The following DMXL2 variants were observed in gnomAD, a reference collection of about 807,000 sequenced individuals.
DMXL2 encodes Dmx like 2, also known as dmX-like protein 2.
Under a neutral mutation model 331.1 loss-of-function variants are expected in DMXL2, and 103 were observed. The ratio of observed to expected loss-of-function variants is 0.31; its 90% CI spans 0.27 to 0.37. The LOEUF (loss-of-function observed/expected upper bound fraction) is 0.37, where lower values mean the gene tolerates loss of function less well. Among genes scored for constraint, DMXL2 ranks in the 10% least tolerant of loss-of-function variants. DMXL2 has a pLI of 1.00. For missense variants in DMXL2, 3,171 were observed against 3,642.9 expected (o/e 0.87, Z 3.33); for synonymous variants, 1,281 against 1,252.1 (o/e 1.02, Z -0.49).
At chr15:51,472,535 C>T (rs573728917) in intron 28 of DMXL2, among the ~76,000 whole-genome samples, 2 of 152,252 alleles carry the variant, frequency 1.3e-5, no homozygotes, top group East Asian at 3.9e-4. Context: ...TTATTTCTCC[C>T]TCCCCCTAGC....
At chr15:51,587,949 T>G (rs2051985219) in intron 1 of DMXL2, among the ~76,000 whole-genome samples, 1 of 152,240 alleles carries the variant, frequency 6.6e-6, no homozygotes, top group African/African-American at 2.4e-5. Context: ...AGATGTTTTT[T>G]GGCTGCATAA....
chr15:51,452,400 G>GAACTT (rs2039228180), intron 41 of DMXL2, among the ~76,000 whole-genome samples: 1 of 151,864 alleles, frequency 6.6e-6, no homozygotes, highest in Non-Finnish European at 1.5e-5. Flanking sequence ...AATCTACAAG[G>GAACTT]AACTTAACAA....
chr15:51,470,133 G>A (rs772650502), intron 29 of DMXL2, among the ~76,000 whole-genome samples: 1 of 152,104 alleles, frequency 6.6e-6, no homozygotes, highest in Admixed American at 6.6e-5. Flanking sequence ...AACCACTGAC[G>A]TAACCAAAGT....
chr15:51,483,169 C>T (rs183913785), intron 23 of DMXL2, among the ~76,000 whole-genome samples: 4 of 152,148 alleles, frequency 2.6e-5, no homozygotes, highest in African/African-American at 9.7e-5. Flanking sequence ...TTTGGAGAGA[C>T]GTCAGAAGTT....
chr15:51,552,488 T>G (rs1409670034), intron 6 of DMXL2, among the ~76,000 whole-genome samples: 2 of 152,232 alleles, frequency 1.3e-5, no homozygotes, highest in Admixed American at 1.3e-4. Flanking sequence ...TTGCTTTAAT[T>G]TACGCACAGT....
At chr15:51,568,824 C>T (rs2050465542) in intron 2 of DMXL2, among the ~76,000 whole-genome samples, 1 of 152,060 alleles carries the variant, frequency 6.6e-6, no homozygotes, top group Admixed American at 6.5e-5. Flanking sequence ...GCCAAGATGG[C>T]TGAATAGGAA....
At chr15:51,528,066 A>AT (rs2047782918) in intron 13 of DMXL2, among the ~76,000 whole-genome samples, 1 of 151,558 alleles carries the variant, frequency 6.6e-6, no homozygotes. Flanking sequence ...TGGTAACCTC[A>AT]AATTAGAAAA....
At position 51,499,581 on chromosome 15, in the gene DMXL2, T is replaced by C. The variant is rs773738640; in HGVS notation, c.3643A>G (p.Thr1215Ala). Residue 1215 changes from threonine (T) to alanine (A), a missense_variant, in exon 18 of 44, where the codon ACT becomes GCT. Physicochemically the swap from Thr to Ala is moderately conservative, Grantham distance 58. This residue lies in a region of DMXL2 where 1,674 missense variants were observed against 1,780.2 expected (regional missense o/e 0.94). Coordinates refer to ENST00000560891, the MANE Select transcript of DMXL2 (RefSeq NM_001378457.1). ...TTGATACTACCACCTAGTGGTAAAG[T>C]GATGACAGCTACTCCATCCTTACTG... ...TNSKDGVAVI[T>A]LPLGGSIKQG... The C allele has an allele frequency of 1.2e-6, 2 of 1,614,176 alleles. No homozygotes were observed. The highest frequency in any genetic ancestry group is 2.7e-5 in the African/African-American group (2 of 75,072).
In DMXL2 at chr15:51,465,579, T is replaced by C; in HGVS notation, c.7593A>G (p.Gly2531=). Residue 2531 remains glycine (G), a synonymous_variant, in exon 31 of 44, where the codon GGA becomes GGG. Coordinates refer to ENST00000560891, the MANE Select transcript of DMXL2 (RefSeq NM_001378457.1). ...TTCCAAACTCACCAGAGAATTCCAG[T>C]CCAGCAATAGGAAAGAAATTCTTGA... The part of the protein sequence containing the change: ...HNVKNFFPIA[G]LEFSELPVTS... 2 of 1,601,542 alleles carry C rather than the reference T, an allele frequency of 1.2e-6. No individual in the cohort carries two copies. Among genetic ancestry groups the C allele is most frequent in the Non-Finnish European group, 1.7e-6 (2 of 1,173,932 alleles).
intron 1 of DMXL2, among the ~76,000 whole-genome samples, chr15:51,596,000 A>G: frequency 6.6e-6 from 1 of 152,260 alleles, no homozygotes; most frequent in Non-Finnish European, 1.5e-5. Flanking sequence ...CATTCAGGAC[A>G]TAGGCATGGG....
chr15:51,583,023 A>G (rs1015552670), intron 1 of DMXL2, among the ~76,000 whole-genome samples: 2 of 151,494 alleles, frequency 1.3e-5, no homozygotes, highest in Non-Finnish European at 2.9e-5. Flanking sequence ...GCTATACACA[A>G]TTCTGCCACT....
At chr15:51,533,612 T>A (rs1331704424) in intron 13 of DMXL2, among the ~76,000 whole-genome samples, 1 of 152,218 alleles carries the variant, frequency 6.6e-6, no homozygotes, top group Non-Finnish European at 1.5e-5. Flanking sequence ...CCAAGTGATG[T>A]CAAGGTGTGC....
intron 13 of DMXL2, among the ~76,000 whole-genome samples, chr15:51,526,545 A>G (rs2047688102): frequency 6.6e-6 from 1 of 152,224 alleles, no homozygotes; most frequent in African/African-American, 2.4e-5. Context: ...ACCTCACCAA[A>G]TCAACCAAAT....
chr15:51,488,154 C>A (rs1335910201), intron 21 of DMXL2, 35 bp from the exon 22 acceptor site: 3 of 1,520,664 alleles, frequency 2.0e-6, no homozygotes, highest in South Asian at 1.3e-5. Flanking sequence ...GTGGTTAAAC[C>A]AAATTTAAAA....
intron 27 of DMXL2, among the ~76,000 whole-genome samples, chr15:51,476,210 T>TA (rs2041568761): frequency 6.6e-6 from 1 of 152,112 alleles, no homozygotes; most frequent in African/African-American, 2.4e-5. Context: ...CCTACCCCAA[T>TA]ACATAAATTT....
Position 51,499,575 on chromosome 15 carries a change from G to A in DMXL2, c.3649C>T (p.Pro1217Ser). ...CCTTGCTTGATACTACCACCTAGTGGTAAAGTGATGACAGCTACTCCATCC... is the reference window on the plus strand; with the variant it reads ...CCTTGCTTGATACTACCACCTAGTGATAAAGTGATGACAGCTACTCCATCC... ...SKDGVAVITLPLGGSIKQGVK... is the reference protein window; with the variant it reads ...SKDGVAVITLSLGGSIKQGVK... The change falls in exon 18 of 44, where the codon CCA (proline) becomes TCA (serine). Residue 1217 changes from proline to serine, a missense_variant. Pro to Ser is a moderately conservative substitution (Grantham distance 74). Transcript: ENST00000560891. The A allele has an allele frequency of 6.2e-7, 1 of 1,614,076 alleles. No homozygotes were observed. Among genetic ancestry groups the A allele is most frequent in the Non-Finnish European group, 8.5e-7 (1 of 1,180,002 alleles).
intron 1 of DMXL2, among the ~76,000 whole-genome samples, chr15:51,586,390 T>C (rs17525116): frequency 1.3e-5 from 2 of 151,774 alleles, no homozygotes; most frequent in African/African-American, 4.8e-5. Context: ...AAAACAAAAA[T>C]CTATGGGAAG....
chr15:51,495,880 C>G (rs889788633), intron 18 of DMXL2, among the ~76,000 whole-genome samples: 2 of 151,938 alleles, frequency 1.3e-5, no homozygotes, highest in African/African-American at 4.8e-5. Context: ...TGCCAAAGAT[C>G]AAGCCCCAGC....
intron 7 of DMXL2, among the ~76,000 whole-genome samples, chr15:51,546,196 T>C (rs930688049): frequency 1.3e-5 from 2 of 152,112 alleles, no homozygotes; most frequent in South Asian, 4.1e-4. Context: ...ATCTTCATCA[T>C]AAAACTGTAA....
Sources: gnomAD v4.1 joint callset for allele counts (sites outside exome capture counted in the v4.1 genomes callset) on GRCh38, gnomAD v4.1.1 for gene constraint, gnomAD v4.1.1 regional missense constraint, MANE v1.5 for transcripts, NCBI Gene and HGNC (gene_info 2026-07-23, HGNC 2026-07-21) for gene names.